Variants in PLCH1 observed in about 807,000 individuals in gnomAD.
The protein encoded by PLCH1 is phospholipase C eta 1.
PLCH1 carries 60 observed loss-of-function variants against 126.7 expected under a neutral mutation model. That is an observed-to-expected ratio of 0.47 (90% CI 0.38 to 0.59). PLCH1 has a LOEUF of 0.59. PLCH1 is among the 20% of genes least tolerant of loss of function. The pLI is 0.00. For missense variants in PLCH1, 1,723 were observed against 2,040.0 expected, an observed-to-expected ratio of 0.84 and a Z score of 2.99; for synonymous variants, 719 against 734.9, an observed-to-expected ratio of 0.98 and a Z score of 0.35.
intron 10 of PLCH1, among the ~76,000 whole-genome samples, chr3:155,545,785 A>C (rs918638669): frequency 2.0e-5 from 3 of 152,046 alleles, no homozygotes; most frequent in Non-Finnish European, 4.4e-5. Flanking sequence ...CAAAGACAAA[A>C]ACCACATGAT....
intron 10 of PLCH1, among the ~76,000 whole-genome samples, chr3:155,540,725 C>T (rs1724117962): frequency 6.6e-6 from 1 of 151,952 alleles, no homozygotes; most frequent in Non-Finnish European, 1.5e-5. Flanking sequence ...TGGCCATAAT[C>T]AAAAAATCAA....
intron 1 of PLCH1, among the ~76,000 whole-genome samples, chr3:155,722,306 G>A (rs943121226): frequency 4.6e-5 from 7 of 151,936 alleles, no homozygotes; most frequent in Admixed American, 4.6e-4. Flanking sequence ...TGGGATTAAG[G>A]CACGCACCAC....
intron 21 of PLCH1, among the ~76,000 whole-genome samples, chr3:155,473,426 G>A (rs1713376504): frequency 6.6e-6 from 1 of 151,988 alleles, no homozygotes; most frequent in African/African-American, 2.4e-5. Flanking sequence ...AAATAAAAGA[G>A]GATACAAACA....
At chr3:155,631,664 C>T (rs1041995349) in intron 2 of PLCH1, among the ~76,000 whole-genome samples, 6 of 152,154 alleles carry the variant, frequency 3.9e-5, no homozygotes, top group Non-Finnish European at 7.4e-5. Flanking sequence ...TCCCACAGAA[C>T]AAGAACAATT....
At chr3:155,472,103 C>T (rs1382330767) in intron 21 of PLCH1, among the ~76,000 whole-genome samples, 1 of 151,998 alleles carries the variant, frequency 6.6e-6, no homozygotes, top group Non-Finnish European at 1.5e-5. Context: ...GAAATAGAGA[C>T]ACAAAAAACC....
intron 2 of PLCH1, among the ~76,000 whole-genome samples, chr3:155,601,044 G>A (rs191325657): frequency 2.0e-5 from 3 of 152,022 alleles, no homozygotes; most frequent in Admixed American, 6.6e-5. Flanking sequence ...GCGTGATCTC[G>A]GCTCACTGCA....
At position 155,573,238 on chromosome 3, in the gene PLCH1, G is replaced by C. The variant is rs570353657; in HGVS notation, c.772-4914C>G. Among the ~76,000 whole-genome samples the C allele has an allele frequency of 2.0e-5, 3 of 152,176 alleles. No individual in the cohort carries two copies. In the South Asian group the frequency reaches 6.2e-4, roughly 32 times the overall value. On this transcript the variant is annotated intron_variant, in intron 6 of 22. Coordinates refer to ENST00000460012, the MANE Select transcript of PLCH1 (RefSeq NM_014996.4). ...TTTCCTCAAACATTGGTAAGCCTTG[G>C]TTATTTAAAACCAATAACCTGGGAA...
chr3:155,495,999 C>G (rs758148037), intron 15 of PLCH1, among the ~76,000 whole-genome samples: 1 of 152,154 alleles, frequency 6.6e-6, no homozygotes. Context: ...GGACTATAAT[C>G]ACTACTACTG....
rs376256458 is a variant in PLCH1 at position 155,462,132 on chromosome 3, C to A, written c.2938+23224G>T. ...ATGTTGATCCATGCCAGTAGATAAG[C>A]AAGAAAAGAATTACTGTACTTACTA... On this transcript the variant is annotated intron_variant, in intron 21 of 21. Coordinates refer to the PLCH1 transcript ENST00000494598. Among the ~76,000 whole-genome samples the A allele has an allele frequency of 2.2e-4, 34 of 152,270 alleles. 1 individual carries two copies. The South Asian group carries it at 4.4e-3, about 19-fold the overall frequency.
intron 2 of PLCH1, among the ~76,000 whole-genome samples, chr3:155,670,428 C>T (rs192531097): frequency 6.6e-6 from 1 of 152,052 alleles, no homozygotes; most frequent in South Asian, 2.1e-4. Flanking sequence ...CTGGATTAGA[C>T]GAAAACCTTA....
chr3:155,477,437 C>T (rs992492576), downstream of PLCH1, among the ~76,000 whole-genome samples: 7 of 151,796 alleles, frequency 4.6e-5, no homozygotes, highest in Non-Finnish European at 1.0e-4. Flanking sequence ...GCAAAGGAAA[C>T]AATGAACAAA....
At chr3:155,685,944 T>C (rs1022806295) in intron 2 of PLCH1, among the ~76,000 whole-genome samples, 6 of 152,166 alleles carry the variant, frequency 3.9e-5, no homozygotes, top group African/African-American at 9.7e-5. Flanking sequence ...TTTTTTACTT[T>C]CCTCTCCCAG....
intron 2 of PLCH1, among the ~76,000 whole-genome samples, chr3:155,695,677 G>A (rs1745737229): frequency 6.6e-6 from 1 of 152,196 alleles, no homozygotes; most frequent in African/African-American, 2.4e-5. Context: ...ACAATTAATT[G>A]TTTTATTACA....
chr3:155,591,465 C>T lies in PLCH1; in HGVS notation c.470+2476G>A, dbSNP rs182575526. ...TCTTCGTGTACTTCAATCAAAACAA[C>T]GTATCGCAACAGACTGAATGCAGAA... On this transcript the variant is annotated intron_variant, in intron 4 of 22. Coordinates refer to ENST00000460012, the MANE Select transcript of PLCH1 (RefSeq NM_014996.4). Among the ~76,000 whole-genome samples the T allele has an allele frequency of 5.9e-4, 90 of 152,268 alleles. 1 individual carries two copies. The highest frequency in any genetic ancestry group is 5.2e-3 in the Admixed American group (80 of 15,300).
At chr3:155,499,878 T>G (rs1717625642) in intron 14 of PLCH1, among the ~76,000 whole-genome samples, 1 of 152,216 alleles carries the variant, frequency 6.6e-6, no homozygotes, top group Non-Finnish European at 1.5e-5. Flanking sequence ...GCCCTTCTAA[T>G]TAGTTACTAT....
intron 21 of PLCH1, among the ~76,000 whole-genome samples, chr3:155,452,821 TG>T (rs2107965565): frequency 6.6e-6 from 1 of 152,296 alleles, no homozygotes; most frequent in African/African-American, 2.4e-5. Context: ...CATCTATGTA[TG>T]CTATGAAGGA....
intron 2 of PLCH1, among the ~76,000 whole-genome samples, chr3:155,629,693 G>T (rs10212592): frequency 0.49 from 73,528 of 151,600 alleles, 20,166 homozygotes; most frequent in African/African-American, 0.74. Flanking sequence ...TTTTTAAATG[G>T]TCAAGTAGAC....
chr3:155,469,250 AT>A (rs1560031619), intron 21 of PLCH1, among the ~76,000 whole-genome samples: 1 of 152,178 alleles, frequency 6.6e-6, no homozygotes, highest in Admixed American at 6.5e-5. Context: ...AGGGCGAGGC[AT>A]TGCCTCACTT....
At chr3:155,628,541 T>G (rs1171222026) in intron 2 of PLCH1, among the ~76,000 whole-genome samples, 1 of 108,630 alleles carries the variant, frequency 9.2e-6, no homozygotes, top group Non-Finnish European at 1.7e-5. Context: ...CTTTGGATCT[T>G]CACCTCTCTT....
Sources: gnomAD v4.1 joint callset for allele counts (sites outside exome capture counted in the v4.1 genomes callset) on GRCh38, gnomAD v4.1.1 for gene constraint, MANE v1.5 for transcripts, NCBI Gene and HGNC (gene_info 2026-07-23, HGNC 2026-07-21) for gene names.